Variants in SAMD11 observed in about 807,000 individuals in gnomAD.
The protein encoded by SAMD11 is sterile alpha motif domain containing 11.
SAMD11 carries 77 observed loss-of-function variants against 64.4 expected under a neutral mutation model. That is an observed-to-expected ratio of 1.20 (90% CI 0.99 to 1.44). The LOEUF (loss-of-function observed/expected upper bound fraction) is 1.44, where lower values mean the gene tolerates loss of function less well. Among genes scored for constraint, SAMD11 ranks in the 40% most tolerant of loss-of-function variants. The probability of loss-of-function intolerance (pLI) is 0.00; values close to 1 mark genes in which losing one functional copy is unlikely to be tolerated. For missense variants in SAMD11, 1,402 were observed against 943.3 expected, an observed-to-expected ratio of 1.49 and a Z score of -6.37; for synonymous variants, 658 against 421.9, an observed-to-expected ratio of 1.56 and a Z score of -6.86.
At chr1:926,506 C>T (rs745962883) in intron 2 of SAMD11, among the ~76,000 whole-genome samples, 6 of 152,148 alleles carry the variant, frequency 3.9e-5, no homozygotes, top group Non-Finnish European at 7.4e-5. Flanking sequence ...AGGGCCTGGA[C>T]GTCGAAGTGT....
At chr1:937,572 C>T (rs76723341) in intron 5 of SAMD11, among the ~76,000 whole-genome samples, 6,837 of 152,262 alleles carry the variant, frequency 0.045, 381 homozygotes, top group East Asian at 0.29. Context: ...GGAAAAGAGC[C>T]AGGTTCCCCC....
intron 8 of SAMD11, among the ~76,000 whole-genome samples, chr1:941,671 GCA>G (rs1456943359): frequency 1.3e-5 from 2 of 152,052 alleles, no homozygotes; most frequent in African/African-American, 4.8e-5. Flanking sequence ...TCTGTTCCCG[GCA>G]CAGACAAGGC....
intron 7 of SAMD11, among the ~76,000 whole-genome samples, chr1:940,037 G>T (rs1453724259): frequency 6.6e-6 from 1 of 152,138 alleles, no homozygotes; most frequent in Admixed American, 6.5e-5. Flanking sequence ...GGCCCCAGCC[G>T]CCCGCCTGGC....
chr1:926,364 T>C (rs1350203844), intron 2 of SAMD11, among the ~76,000 whole-genome samples: 1 of 152,228 alleles, frequency 6.6e-6, no homozygotes, highest in African/African-American at 2.4e-5. Context: ...CTGTGCCCTG[T>C]CACCGCTTGG....
chr1:940,462 G>C (rs1487407248), intron 7 of SAMD11: 1 of 152,122 alleles, frequency 6.6e-6, no homozygotes, highest in Non-Finnish European at 1.5e-5. Flanking sequence ...TCCGCTTTCG[G>C]GTAATTAATT....
chr1:941,000 G>C, intron 7 of SAMD11, 144 bp from the exon 8 acceptor site: 1 of 656,050 alleles, frequency 1.5e-6, no homozygotes, highest in Non-Finnish European at 2.5e-6. Context: ...CCATCCTCCT[G>C]CCCCGTGCCC....
At chr1:927,931 C>T (rs916248284) in intron 2 of SAMD11, among the ~76,000 whole-genome samples, 23 of 152,390 alleles carry the variant, frequency 1.5e-4, no homozygotes, top group Admixed American at 2.6e-4. Flanking sequence ...TGTGTCCCCA[C>T]GCCCGACTCT....
chr1:929,123 G>A (rs1641046338), intron 2 of SAMD11, among the ~76,000 whole-genome samples: 1 of 152,232 alleles, frequency 6.6e-6, no homozygotes, highest in African/African-American at 2.4e-5. Context: ...GGGGGTGGCA[G>A]GACCTAGAAA....
At chr1:943,457 G>T in intron 12 of SAMD11, 80 bp downstream of exon 12, 1 of 1,269,340 alleles carries the variant, frequency 7.9e-7, no homozygotes, top group Non-Finnish European at 1.1e-6. Context: ...TGGTGGGGTA[G>T]GGCCATTCCC....
chr1:942,303 C>T (rs1641826868), intron 9 of SAMD11, 52 bp downstream of exon 9: 3 of 1,034,002 alleles, frequency 2.9e-6, no homozygotes, highest in Non-Finnish European at 3.9e-6. Context: ...GCTCGCGGAC[C>T]CGGCCCTGCC....
intron 1 of SAMD11, 72 bp from the exon 2 acceptor site, chr1:925,850 A>G: frequency 9.3e-7 from 1 of 1,076,822 alleles, no homozygotes; most frequent in Non-Finnish European, 1.4e-6. Flanking sequence ...GGGAGGGGGT[A>G]CTGGCCCTGC....
chr1:930,359 G>A, intron 3 of SAMD11, 23 bp downstream of exon 3: 1 of 1,581,292 alleles, frequency 6.3e-7, no homozygotes, highest in Non-Finnish European at 8.6e-7. Flanking sequence ...GGGCCGGACA[G>A]GAAGGCGCAA....
rs1315997787 is a variant in SAMD11 at position 925,690 on chromosome 1, G to C, written c.518-232G>C. On this transcript the variant is annotated intron_variant, in intron 1 of 13. Coordinates refer to ENST00000616016, the MANE Select transcript of SAMD11 (RefSeq NM_001385641.1). ...GAGGGGCGCCGGGTGGGGACGCCCA[G>C]GCCCTTCGTCGGGGGAGGGCGCTCC... 1.1e-5 allele frequency: 5 copies of C among 472,890 alleles called. No individual in the cohort carries two copies. In the South Asian group the frequency reaches 1.1e-4, roughly 11 times the overall value. The allele number at this position is 472,890 out of a possible 1,614,324, so 29.3% of individuals were successfully genotyped here.
In SAMD11 at chr1:942,153, C is replaced by T. The variant is rs1411607869; in HGVS notation, c.1376C>T (p.Pro459Leu). ...GTCCACAGGGAGCTGCCTCAGCCGC[C>T]CCCCTTGCTGTCGCCGCAGAATGCC... ...SFSERELPQP[P>L]PLLSPQNAPH... The change falls in exon 9 of 14, where the codon CCC becomes CTC. Residue 459 changes from proline to leucine, a missense_variant. Coordinates refer to ENST00000616016, the MANE Select transcript of SAMD11 (RefSeq NM_001385641.1). The T allele has an allele frequency of 1.5e-6, 2 of 1,366,666 alleles. No individual in the cohort carries two copies. The highest frequency in any genetic ancestry group is 1.4e-5 in the South Asian group (1 of 69,680). The allele number at this position is 1,366,666 out of a possible 1,614,324, so 84.7% of individuals were successfully genotyped here.
intron 4 of SAMD11, among the ~76,000 whole-genome samples, chr1:931,477 G>GATGT (rs1309295006): frequency 1.3e-5 from 2 of 152,210 alleles, no homozygotes; most frequent in African/African-American, 4.8e-5. Flanking sequence ...TGAGAATGCT[G>GATGT]ATGTGTGAGT....
In SAMD11 at chr1:941,179, G is replaced by T; in HGVS notation, c.1231G>T (p.Ala411Ser). ...LRVRQEVAAA[A>S]LRGPSGLEAH... is the part of the protein sequence containing the mutation. ...GGTCCGGCAGGAGGTGGCGGCTGCA[G>T]CTCTGAGGGGCCCCAGTGGCCTGGA... The change falls in exon 8 of 14, where the codon GCT becomes TCT. Residue 411 changes from alanine to serine, a missense_variant. Coordinates refer to ENST00000616016, the MANE Select transcript of SAMD11 (RefSeq NM_001385641.1). The T allele has an allele frequency of 6.2e-7, 1 of 1,602,112 alleles. No individual in the cohort carries two copies.
chr1:938,298 C>T (rs1641570121), intron 5 of SAMD11, among the ~76,000 whole-genome samples: 1 of 151,414 alleles, frequency 6.6e-6, no homozygotes, highest in Non-Finnish European at 1.5e-5. Context: ...CTGGGCCTCC[C>T]CTCTGCCACC....
rs574293234 is a variant in SAMD11, at chr1:939,122, G to T, written c.1050G>T (p.Ser350=). The T allele has an allele frequency of 5.0e-6, 8 of 1,592,290 alleles. No homozygotes were observed. The African/African-American group carries it at 5.3e-5, about 11-fold the overall frequency. The part of the protein sequence containing the change: ...CFSEKRARSE[S]PQEALLLPRE... ...CAGAGAAGAGGGCACGAAGCGAATC[G>T]CCTCAAGGTAAGAGCGTGGCTGGGA... The change falls in exon 6 of 14, where the codon TCG becomes TCT. Residue 350 remains serine (S), a synonymous_variant. Coordinates refer to ENST00000616016, the MANE Select transcript of SAMD11 (RefSeq NM_001385641.1).
intron 7 of SAMD11, among the ~76,000 whole-genome samples, chr1:940,657 C>CAGCCGG: frequency 1.3e-5 from 2 of 152,300 alleles, no homozygotes; most frequent in East Asian, 1.9e-4. Flanking sequence ...CGGGACTGGG[C>CAGCCGG]GACCCCTGTG....
Sources: allele counts gnomAD v4.1 joint callset (sites outside exome capture counted in the v4.1 genomes callset), GRCh38; gene constraint gnomAD v4.1.1; transcripts MANE v1.5; gene names NCBI Gene and HGNC (gene_info 2026-07-23, HGNC 2026-07-21).